SYNCRIP: variants seen among roughly 807,000 people sequenced by gnomAD.
SYNCRIP encodes heterogeneous nuclear ribonucleoprotein Q.
A neutral mutation model predicts 68.9 loss-of-function variants in SYNCRIP; 9 were observed. The observed-to-expected ratio is 0.13, with a 90% confidence interval of 0.08 to 0.23. The LOEUF is 0.23. Among genes scored for constraint, SYNCRIP ranks in the 10% least tolerant of loss-of-function variants. SYNCRIP has a pLI of 1.00. For missense variants in SYNCRIP, 414 were observed against 770.6 expected (o/e 0.54, Z 5.48); for synonymous variants, 258 against 254.0 (o/e 1.02, Z -0.15).
chr6:85,623,890 T>C, intron 7 of SYNCRIP, 87 bp downstream of exon 7: 1 of 1,486,344 alleles, frequency 6.7e-7, no homozygotes, highest in Non-Finnish European at 9.2e-7. Flanking sequence ...TCAATAAATG[T>C]ATTTAGAACA....
chr6:85,620,668 T>C (rs1187000651), intron 8 of SYNCRIP, among the ~76,000 whole-genome samples: 1 of 152,204 alleles, frequency 6.6e-6, no homozygotes, highest in Non-Finnish European at 1.5e-5. Flanking sequence ...TCAATCTACG[T>C]CCATCAATTT....
chr6:85,637,037 G>C lies in SYNCRIP; in HGVS notation c.596C>G (p.Thr199Ser). 5.6e-6 allele frequency: 9 copies of C among 1,614,124 alleles called. No individual in the cohort carries two copies. The highest frequency in any genetic ancestry group is 7.6e-6 in the Non-Finnish European group (9 of 1,180,020). The change falls in exon 6 of 11, where the codon ACT becomes AGT. Residue 199 changes from threonine to serine, a missense_variant. Transcript: ENST00000369622. ...AAACGCATAACCTCTATTGAGACCA[G>C]TGAGTGGATCCATCATTAGACGAAG... ...WDLRLMMDPLTGLNRGYAFVT... is the reference protein window; with the variant it reads ...WDLRLMMDPLSGLNRGYAFVT...
intron 6 of SYNCRIP, among the ~76,000 whole-genome samples, chr6:85,631,174 C>A (rs1197294557): frequency 1.3e-5 from 2 of 152,054 alleles, no homozygotes; most frequent in Non-Finnish European, 2.9e-5. Flanking sequence ...AAAACGCCAT[C>A]TCTACTAAAA....
chr6:85,635,008 T>C (rs1473879409), intron 6 of SYNCRIP, among the ~76,000 whole-genome samples: 2 of 151,974 alleles, frequency 1.3e-5, no homozygotes, highest in African/African-American at 2.4e-5. Flanking sequence ...CTACCAAATA[T>C]ACAAAAATTA....
Position 85,614,362 on chromosome 6 carries a change from T to A in SYNCRIP, c.*394A>T. On this transcript the variant is annotated 3_prime_UTR_variant, in exon 11 of 11. Coordinates refer to ENST00000369622, the MANE Select transcript of SYNCRIP (RefSeq NM_006372.5). ...TTTACCTTATTCTAGCAATTTAAGT[T>A]GGTAACATACAAAGTTATTCTGATA... The A allele has an allele frequency of 1.0e-6, 1 of 991,192 alleles. No homozygotes were observed. The highest frequency in any genetic ancestry group is 1.2e-6 in the Non-Finnish European group (1 of 833,732). 61.4% of individuals were successfully genotyped at this position (991,192 alleles called of 1,614,324 possible).
intron 1 of SYNCRIP, among the ~76,000 whole-genome samples, chr6:85,642,519 A>T (rs1809323462): frequency 6.6e-6 from 1 of 152,100 alleles, no homozygotes; most frequent in Non-Finnish European, 1.5e-5. Context: ...CGACAGCACC[A>T]ACTCTGAAGC....
chr6:85,623,579 A>AAAAAAAAC (rs1554184894), intron 7 of SYNCRIP, among the ~76,000 whole-genome samples: 8 of 125,758 alleles, frequency 6.4e-5, no homozygotes, highest in Admixed American at 1.6e-4. Context: ...AAAAAAAAAA[A>AAAAAAAAC]AAAACACTCT....
intron 2 of SYNCRIP, among the ~76,000 whole-genome samples, chr6:85,640,833 C>T (rs186951544): frequency 8.4e-4 from 127 of 152,030 alleles, no homozygotes; most frequent in Non-Finnish European, 1.2e-3. Context: ...GGTATTTTTA[C>T]AGTATACAGA....
At chr6:85,635,124 C>T (rs1336880442) in intron 6 of SYNCRIP, among the ~76,000 whole-genome samples, 1 of 152,070 alleles carries the variant, frequency 6.6e-6, no homozygotes, top group African/African-American at 2.4e-5. Context: ...AAGATCATGC[C>T]CACACACTCC....
chr6:85,643,605 GCCCCA>G (rs958838418), upstream of SYNCRIP: 3 of 50,494 alleles, frequency 5.9e-5, no homozygotes, highest in African/African-American at 1.6e-4. Flanking sequence ...TCCCCACCCC[GCCCCA>G]CCCCACCCCC....
intron 1 of SYNCRIP, among the ~76,000 whole-genome samples, chr6:85,642,247 T>C: frequency 6.6e-6 from 1 of 151,466 alleles, no homozygotes; most frequent in East Asian, 1.9e-4. Context: ...GACACATGGC[T>C]CTCCGCCCCT....
At chr6:85,625,378 G>A (rs867330022) in intron 6 of SYNCRIP, among the ~76,000 whole-genome samples, 3 of 151,116 alleles carry the variant, frequency 2.0e-5, no homozygotes, top group Non-Finnish European at 3.0e-5. Flanking sequence ...TAAACATACA[G>A]GGTTTTTTTT....
upstream of SYNCRIP, chr6:85,643,416 TG>T (rs937358728): frequency 6.6e-6 from 1 of 152,030 alleles, no homozygotes; most frequent in Non-Finnish European, 1.5e-5. Flanking sequence ...CCCCTTGGGT[TG>T]GGGGTGGGGG....
Position 85,640,301 on chromosome 6 carries a change from T to C in SYNCRIP, c.295A>G (p.Met99Val). The change falls in exon 4 of 11, where the codon ATG (methionine) becomes GTG (valine). Residue 99 changes from methionine (M) to valine (V), a missense_variant. Met to Val is a conservative substitution (Grantham distance 21, BLOSUM62 1). This residue lies in a region of SYNCRIP where 110 missense variants were observed against 269.3 expected (regional missense o/e 0.41). Coordinates refer to ENST00000369622, the MANE Select transcript of SYNCRIP (RefSeq NM_006372.5). ...QNKSAFLCGV[M>V]KTYRQREKQG... ...TTTTCTCTCTGCCTGTAAGTCTTCATGACTCCACATAAAAAGGCACTTTTG... is the reference window on the plus strand; with the variant it reads ...TTTTCTCTCTGCCTGTAAGTCTTCACGACTCCACATAAAAAGGCACTTTTG... The C allele has an allele frequency of 6.2e-7, 1 of 1,613,806 alleles. No homozygotes were observed. The highest frequency in any genetic ancestry group is 8.5e-7 in the Non-Finnish European group (1 of 1,179,872).
intron 7 of SYNCRIP, 99 bp from the exon 8 acceptor site, chr6:85,622,786 G>A: frequency 9.6e-6 from 9 of 938,564 alleles, no homozygotes; most frequent in South Asian, 1.5e-5. Flanking sequence ...ATATCAAAAT[G>A]AAAAATCATC....
downstream of SYNCRIP, chr6:85,613,056 C>A (rs1008620110): frequency 3.9e-5 from 40 of 1,031,752 alleles, no homozygotes; most frequent in Admixed American, 1.1e-4. Flanking sequence ...AAAAAAGTTG[C>A]CTTTAATAAC....
At chr6:85,626,737 A>G (rs1357522405) in intron 6 of SYNCRIP, among the ~76,000 whole-genome samples, 1 of 152,190 alleles carries the variant, frequency 6.6e-6, no homozygotes, top group African/African-American at 2.4e-5. Context: ...TTAACCATCA[A>G]CATTAACAAT....
intron 4 of SYNCRIP, among the ~76,000 whole-genome samples, chr6:85,639,525 A>G (rs1808879828): frequency 6.6e-6 from 1 of 152,190 alleles, no homozygotes; most frequent in African/African-American, 2.4e-5. Context: ...AACAATGCTC[A>G]AGGCCTATAC....
At chr6:85,628,342 C>G (rs777013028) in intron 6 of SYNCRIP, among the ~76,000 whole-genome samples, 25 of 152,236 alleles carry the variant, frequency 1.6e-4, no homozygotes, top group Non-Finnish European at 2.5e-4. Context: ...AGGCATGATC[C>G]ACCGCACCTG....
Sources: allele counts gnomAD v4.1 joint callset (sites outside exome capture counted in the v4.1 genomes callset), GRCh38; gene constraint gnomAD v4.1.1; regional missense constraint gnomAD v4.1.1; transcripts MANE v1.5; gene names NCBI Gene and HGNC (gene_info 2026-07-23, HGNC 2026-07-21).